The following ARHGAP24 variants were observed in gnomAD, a reference collection of about 807,000 sequenced individuals.
ARHGAP24 encodes Rho GTPase activating protein 24.
In ARHGAP24, 50 loss-of-function variants were observed where a neutral mutation model predicts 76.4. The ratio of observed to expected loss-of-function variants is 0.65; its 90% CI spans 0.52 to 0.83. ARHGAP24 has a LOEUF of 0.83. Ranked by LOEUF, ARHGAP24 falls within the 40% of genes least tolerant of loss-of-function variation. ARHGAP24 has a pLI of 0.00. For missense variants in ARHGAP24, 930 were observed against 914.2 expected, an observed-to-expected ratio of 1.02 and a Z score of -0.22; for synonymous variants, 345 against 323.3, an observed-to-expected ratio of 1.07 and a Z score of -0.72.
At chr4:85,906,350 G>T (rs1017606157) in intron 3 of ARHGAP24, among the ~76,000 whole-genome samples, 134 of 152,212 alleles carry the variant, frequency 8.8e-4, no homozygotes, top group Middle Eastern at 3.4e-3. Flanking sequence ...TGAGAAAGAA[G>T]GTACTAGTTA....
intron 1 of ARHGAP24, among the ~76,000 whole-genome samples, chr4:85,502,015 C>G (rs1321793437): frequency 6.6e-6 from 1 of 152,056 alleles, no homozygotes; most frequent in Non-Finnish European, 1.5e-5. Context: ...TCAGGTTTGT[C>G]AAAGATCAGA....
At chr4:85,867,788 T>C (rs1732276805) in intron 3 of ARHGAP24, among the ~76,000 whole-genome samples, 1 of 149,894 alleles carries the variant, frequency 6.7e-6, no homozygotes, top group African/African-American at 2.4e-5. Flanking sequence ...TCATCTAGAT[T>C]ATTTTTGCCT....
chr4:85,812,563 T>C (rs866315018), intron 3 of ARHGAP24, among the ~76,000 whole-genome samples: 8 of 152,176 alleles, frequency 5.3e-5, no homozygotes, highest in South Asian at 2.1e-4. Context: ...CCACTCCCAG[T>C]CTTAACAATA....
rs1443451650 is a variant in ARHGAP24, at chr4:85,564,964, ATATATAC to A, written c.-20-5557_-20-5551del. On this transcript the variant is annotated intron_variant, in intron 1 of 9. Transcript: ENST00000395184. The stretch of plus-strand genomic sequence containing the variant: ...TATATATATATATATATATATATAT[ATATATAC>A]CCACACCCACCATACACCCACACAT... Among the ~76,000 whole-genome samples the A allele has an allele frequency of 5.7e-4, 72 of 125,438 alleles. 1 individual carries two copies. The highest frequency in any genetic ancestry group is 2.3e-3 in the African/African-American group (70 of 30,174). 82.3% of individuals were successfully genotyped at this position (125,438 alleles called of 152,430 possible). A position where few individuals can be genotyped will look rare whatever the true frequency, so the allele number is the denominator to read the frequency against.
chr4:85,972,507 A>G (rs957082681), intron 6 of ARHGAP24: 4 of 296,036 alleles, frequency 1.4e-5, no homozygotes, highest in African/African-American at 2.2e-5. Context: ...GACCCAAACC[A>G]CTTCAAATAG....
At chr4:86,000,095 TTG>T in intron 9 of ARHGAP24, 1 of 156,116 alleles carries the variant, frequency 6.4e-6, no homozygotes, top group Non-Finnish European at 1.4e-5. Context: ...TTTTTTTTTT[TTG>T]TTAACTATCA....
intron 1 of ARHGAP24, among the ~76,000 whole-genome samples, chr4:85,507,906 A>AT (rs1384783055): frequency 3.3e-5 from 5 of 152,224 alleles, no homozygotes; most frequent in Admixed American, 2.6e-4. Flanking sequence ...AATCTGCCTG[A>AT]TAGACAGCCA....
intron 2 of ARHGAP24, among the ~76,000 whole-genome samples, chr4:85,623,719 A>G (rs550616668): frequency 4.6e-4 from 70 of 152,048 alleles, no homozygotes; most frequent in African/African-American, 1.6e-3. Flanking sequence ...CTTCCTACCC[A>G]TGAGCATGGA....
At chr4:85,501,047 A>C (rs1359731613) in intron 1 of ARHGAP24, among the ~76,000 whole-genome samples, 2 of 151,948 alleles carry the variant, frequency 1.3e-5, no homozygotes, top group African/African-American at 4.8e-5. Flanking sequence ...AAAGACATGA[A>C]CTCATCCTTT....
chr4:85,669,955 A>G (rs950289229), intron 2 of ARHGAP24, among the ~76,000 whole-genome samples: 3 of 152,000 alleles, frequency 2.0e-5, no homozygotes, highest in Non-Finnish European at 2.9e-5. Context: ...GCTTTAGTGC[A>G]GGTCCCCAGA....
chr4:85,914,298 G>A (rs185792820), intron 3 of ARHGAP24, among the ~76,000 whole-genome samples: 93 of 152,260 alleles, frequency 6.1e-4, no homozygotes, highest in East Asian at 2.1e-3. Context: ...CTGCTATAGC[G>A]AATTATCTTA....
chr4:85,936,251 G>A (rs1185779096), intron 4 of ARHGAP24, among the ~76,000 whole-genome samples: 2 of 152,118 alleles, frequency 1.3e-5, no homozygotes, highest in Non-Finnish European at 2.9e-5. Context: ...CACGACCCAC[G>A]AACTATCAAT....
At chr4:85,605,430 G>T (rs984133381) in intron 2 of ARHGAP24, among the ~76,000 whole-genome samples, 1 of 152,132 alleles carries the variant, frequency 6.6e-6, no homozygotes, top group African/African-American at 2.4e-5. Context: ...AATAATCAGA[G>T]AAGTATACAA....
At chr4:85,946,194 A>T (rs1737256718) in intron 5 of ARHGAP24, among the ~76,000 whole-genome samples, 1 of 152,214 alleles carries the variant, frequency 6.6e-6, no homozygotes, top group South Asian at 2.1e-4. Context: ...CTCCCGTGAC[A>T]TGTGGGAATT....
At chr4:85,638,196 G>T (rs1721396483) in intron 2 of ARHGAP24, among the ~76,000 whole-genome samples, 1 of 152,116 alleles carries the variant, frequency 6.6e-6, no homozygotes, top group Admixed American at 6.6e-5. Flanking sequence ...TTTAGCTAGA[G>T]AAATCATTTT....
chr4:85,652,792 T>C (rs576216278), intron 2 of ARHGAP24, among the ~76,000 whole-genome samples: 15 of 152,252 alleles, frequency 9.9e-5, no homozygotes, highest in African/African-American at 2.9e-4. Context: ...GCAGAGGCAA[T>C]TGTTACACTA....
chr4:85,742,427 A>G (rs1725861135), intron 3 of ARHGAP24, among the ~76,000 whole-genome samples: 2 of 152,240 alleles, frequency 1.3e-5, no homozygotes, highest in Non-Finnish European at 2.9e-5. Context: ...CTCTAGTTGA[A>G]TGGAACATGC....
chr4:85,671,284 C>A (rs910372724), intron 2 of ARHGAP24, among the ~76,000 whole-genome samples: 1 of 152,082 alleles, frequency 6.6e-6, no homozygotes, highest in Non-Finnish European at 1.5e-5. Flanking sequence ...TTTCTCTAAG[C>A]CTTTCTGCAC....
At chr4:85,622,048 T>C (rs1286420631) in intron 2 of ARHGAP24, among the ~76,000 whole-genome samples, 1 of 152,074 alleles carries the variant, frequency 6.6e-6, no homozygotes, top group African/African-American at 2.4e-5. Context: ...TTCTCCTTTT[T>C]TGCTTGTCTT....
Sources: allele counts gnomAD v4.1 joint callset (sites outside exome capture counted in the v4.1 genomes callset), GRCh38; gene constraint gnomAD v4.1.1; transcripts MANE v1.5; gene names NCBI Gene and HGNC (gene_info 2026-07-23, HGNC 2026-07-21).